Variants in MRS2 observed in about 807,000 individuals in gnomAD.
MRS2 encodes magnesium transporter MRS2.
Under a neutral mutation model 52.6 loss-of-function variants are expected in MRS2, and 40 were observed. The observed-to-expected ratio is 0.76, with a 90% CI of 0.59 to 0.99. The LOEUF is 0.99. Ranked by LOEUF, MRS2 falls within the 50% of genes least tolerant of loss-of-function variation. The probability of loss-of-function intolerance (pLI) is 0.00; values close to 1 mark genes in which losing one functional copy is unlikely to be tolerated. For synonymous variants in MRS2, 193 were observed against 195.9 expected (o/e 0.98, Z 0.13); for missense variants, 472 against 532.7 (o/e 0.89, Z 1.12).
chr6:24,412,629 ATTATT>A (rs1182742486), intron 5 of MRS2, among the ~76,000 whole-genome samples: 1 of 152,188 alleles, frequency 6.6e-6, no homozygotes. Context: ...ACATGTGATA[ATTATT>A]TTATTAAATC....
chr6:24,403,209 T>G lies in MRS2; in HGVS notation c.163T>G (p.Cys55Gly). 1.2e-6 allele frequency: 2 copies of G among 1,601,362 alleles called. No homozygotes were observed. Among genetic ancestry groups the G allele is most frequent in the Non-Finnish European group, 1.7e-6 (2 of 1,179,208 alleles). ...TGGAAGGAGCCGAGCGGCGCAGCTT[T>G]GCGGGCCCGACCGGCTCCGCGTGGC... ...LIGRSRAAQLCGPDRLRVAGE... is the reference protein window; with the variant it reads ...LIGRSRAAQLGGPDRLRVAGE... Residue 55 changes from cysteine (C) to glycine (G), a missense_variant, in exon 1 of 11, where the codon TGC (cysteine) becomes GGC (glycine). Transcript: ENST00000378386.
At position 24,418,215 on chromosome 6, in the gene MRS2, T is replaced by G; in HGVS notation, c.968T>G (p.Ile323Ser). The change falls in exon 8 of 11, where the codon ATT (isoleucine) becomes AGT (serine). Residue 323 changes from isoleucine to serine, a missense_variant. Ile to Ser is a moderately radical substitution (Grantham distance 142, BLOSUM62 -2). Transcript: ENST00000378386. The stretch of plus-strand genomic sequence containing the variant: ...GTGCTGATTGATGATTCACAAAGTA[T>G]TATTTTCATTAATCTGGACAGGTAA... ...LRVLIDDSQS[I>S]IFINLDSHRN... 6.2e-7 allele frequency: 1 copy of G among 1,610,976 alleles called. No individual in the cohort carries two copies. The highest frequency in any genetic ancestry group is 8.5e-7 in the Non-Finnish European group (1 of 1,178,922).
rs1762222891 is a variant in MRS2 at position 24,425,975 on chromosome 6, G to T, written c.*2281G>T. On this transcript the variant is annotated 3_prime_UTR_variant, in exon 11 of 11. Transcript: ENST00000378386. Reference sequence around the variant, plus strand: ...TACCTACAGAGGTGAGCTAATGGATGGTACATGGAGTAGGGACTGCAGAGA... The same window carrying T: ...TACCTACAGAGGTGAGCTAATGGATTGTACATGGAGTAGGGACTGCAGAGA... 1.3e-5 allele frequency: 2 copies of T among 152,258 alleles called. No individual in the cohort carries two copies. The highest frequency in any genetic ancestry group is 4.8e-5 in the African/African-American group (2 of 41,544). The allele number at this position is 152,258 out of a possible 1,614,324, so 9.4% of individuals were successfully genotyped here. A position where few individuals can be genotyped will look rare whatever the true frequency, so the allele number is the denominator to read the frequency against.
At chr6:24,408,468 A>G in intron 3 of MRS2, 24 bp downstream of exon 3, 1 of 1,524,282 alleles carries the variant, frequency 6.6e-7, no homozygotes, top group Non-Finnish European at 9.1e-7. Flanking sequence ...ATTCTAAATC[A>G]TTTTTTAAAC....
At position 24,418,502 on chromosome 6, in the gene MRS2, T is replaced by C. The variant is rs374599796; in HGVS notation, c.1031T>C (p.Met344Thr). ...VMMRLNLQLT[M>T]GTFSLSLFGL... ...ATGAGGTTGAATCTACAGCTGACCA[T>C]GGGAACCTTCTCTCTTTCGCTCTTT... The change falls in exon 9 of 11, where the codon ATG becomes ACG. Residue 344 changes from methionine to threonine, a missense_variant. Physicochemically the swap from Met to Thr is moderately conservative, Grantham distance 81. Transcript: ENST00000378386. 5 of 1,614,052 alleles carry C rather than the reference T, an allele frequency of 3.1e-6. No homozygotes were observed. The African/African-American group carries it at 4.0e-5, about 13-fold the overall frequency.
chr6:24,423,540 T>G, intron 10 of MRS2, 44 bp from the exon 11 acceptor site: 2 of 1,168,500 alleles, frequency 1.7e-6, no homozygotes, highest in Non-Finnish European at 2.5e-6. Flanking sequence ...TAGTGGCTTT[T>G]CTTTTAAAAA....
chr6:24,424,753 C>CTGG lies in MRS2; in HGVS notation c.*1059_*1060insTGG, dbSNP rs1762171102. ...AAGATTCTAGAGTGTCCAGCTCTTG[C>CTGG]ACTACAAATGTAATAATAACAGAAT... On this transcript the variant is annotated 3_prime_UTR_variant, in exon 11 of 11. Coordinates refer to ENST00000378386, the MANE Select transcript of MRS2 (RefSeq NM_020662.4). 1 of 152,168 alleles carries CTGG rather than the reference C, an allele frequency of 6.6e-6. No homozygotes were observed. The highest frequency in any genetic ancestry group is 2.4e-5 in the African/African-American group (1 of 41,436). 9.4% of individuals were successfully genotyped at this position (152,168 alleles called of 1,614,324 possible). A position where few individuals can be genotyped will look rare whatever the true frequency, so the allele number is the denominator to read the frequency against.
intron 2 of MRS2, 120 bp from the exon 3 acceptor site, chr6:24,408,288 C>A: frequency 1.5e-6 from 1 of 658,188 alleles, no homozygotes; most frequent in South Asian, 2.0e-5. Flanking sequence ...TTTATATTTG[C>A]ATTTCAACAT....
intron 2 of MRS2, among the ~76,000 whole-genome samples, chr6:24,407,906 C>G (rs148656172): frequency 2.2e-3 from 335 of 152,278 alleles, no homozygotes; most frequent in African/African-American, 7.5e-3. Context: ...TTCATCTTGG[C>G]TCGAATCCCC....
chr6:24,407,582 C>T, intron 2 of MRS2, among the ~76,000 whole-genome samples: 1 of 152,136 alleles, frequency 6.6e-6, no homozygotes, highest in Non-Finnish European at 1.5e-5. Flanking sequence ...AAGATAGTCC[C>T]CTACTTTGCA....
chr6:24,413,892 G>A (rs1184503504), intron 5 of MRS2, among the ~76,000 whole-genome samples: 1 of 152,238 alleles, frequency 6.6e-6, no homozygotes, highest in African/African-American at 2.4e-5. Flanking sequence ...AGCAGGATTA[G>A]TGCATACCTG....
At chr6:24,409,362 C>A in intron 3 of MRS2, 99 bp from the exon 4 acceptor site, 10 of 603,046 alleles carry the variant, frequency 1.7e-5, no homozygotes, top group East Asian at 3.1e-5. Flanking sequence ...TGGTAGTAAC[C>A]AAAAATTGTC....
chr6:24,412,224 T>G lies in MRS2; in HGVS notation c.417T>G (p.Tyr139Ter), dbSNP rs147931290. Residue 139 changes from tyrosine (Y) to a stop codon, truncating the protein, a stop_gained and splice_region_variant, in exon 5 of 11, where the codon TAT (tyrosine) becomes TAG (stop). Transcript: ENST00000378386. LOFTEE classifies it high-confidence loss of function. The stretch of plus-strand genomic sequence containing the variant: ...TTTGGTTTTTTTTTTTTTAACAGTA[T>G]TTGAAAGCTGTGATAACTCCAGAGT... ...RNNRIIMRME[Y>*]LKAVITPECL... is the part of the protein sequence containing the mutation. The G allele has an allele frequency of 1.3e-6, 2 of 1,544,904 alleles. No homozygotes were observed. The highest frequency in any genetic ancestry group is 2.8e-5 in the African/African-American group (2 of 71,472).
chr6:24,415,466 G>A (rs1761817829), intron 6 of MRS2, among the ~76,000 whole-genome samples: 1 of 152,158 alleles, frequency 6.6e-6, no homozygotes, highest in African/African-American at 2.4e-5. Context: ...GTAAATGGCA[G>A]ATCTAAATCC....
At chr6:24,415,476 C>A (rs777324639) in intron 6 of MRS2, among the ~76,000 whole-genome samples, 7 of 152,124 alleles carry the variant, frequency 4.6e-5, no homozygotes, top group Admixed American at 2.0e-4. Flanking sequence ...GATCTAAATC[C>A]AAATTCAAAG....
intron 5 of MRS2, among the ~76,000 whole-genome samples, chr6:24,414,462 T>G (rs1387277571): frequency 2.0e-5 from 3 of 151,824 alleles, no homozygotes; most frequent in African/African-American, 7.3e-5. Context: ...AGCACAGGGT[T>G]GGGGGTAAGG....
At chr6:24,414,927 C>T (rs1472525605) in intron 5 of MRS2, 106 bp from the exon 6 acceptor site, 2 of 972,048 alleles carry the variant, frequency 2.1e-6, no homozygotes, top group Non-Finnish European at 3.0e-6. Flanking sequence ...ATGTTACCAG[C>T]ATTTCAAGCT....
In MRS2 at chr6:24,409,176, A is replaced by AT. The variant is rs1358601444; in HGVS notation, c.302-282dup. The stretch of plus-strand genomic sequence containing the variant: ...AGATAACCTGTCTCTAGAGCTGGAC[A>AT]TTTATAGGTTCTAATGATGCATAGT... On this transcript the variant is annotated intron_variant, in intron 3 of 10. Transcript: ENST00000378386. Among the ~76,000 whole-genome samples the AT allele has an allele frequency of 8.5e-5, 13 of 152,236 alleles. 1 individual carries two copies. Among genetic ancestry groups the AT allele is most frequent in the Non-Finnish European group, 2.9e-5 (2 of 68,040 alleles).
chr6:24,425,690 C>T lies in MRS2; in HGVS notation c.*1996C>T, dbSNP rs1762211935. 1.3e-5 allele frequency: 2 copies of T among 152,166 alleles called. No homozygotes were observed. Among genetic ancestry groups the T allele is most frequent in the Admixed American group, 6.5e-5 (1 of 15,276 alleles). The allele number at this position is 152,166 out of a possible 1,614,324, so 9.4% of individuals were successfully genotyped here. A position where few individuals can be genotyped will look rare whatever the true frequency, so the allele number is the denominator to read the frequency against. On this transcript the variant is annotated 3_prime_UTR_variant, in exon 11 of 11. Transcript: ENST00000378386. ...ACACTGGGTTATGTGAGTGAGTAAGCAATCATATCGCCTGTCAAACACATC... is the reference window on the plus strand; with the variant it reads ...ACACTGGGTTATGTGAGTGAGTAAGTAATCATATCGCCTGTCAAACACATC...
Sources: gnomAD v4.1 joint callset for allele counts (sites outside exome capture counted in the v4.1 genomes callset) on GRCh38, gnomAD v4.1.1 for gene constraint, MANE v1.5 for transcripts, NCBI Gene and HGNC (gene_info 2026-07-23, HGNC 2026-07-21) for gene names.